MARCHF3: variants seen among roughly 807,000 people sequenced by gnomAD.
MARCHF3 encodes the protein membrane associated ring-CH-type finger 3, also known as E3 ubiquitin-protein ligase MARCHF3.
Under a neutral mutation model 24.2 loss-of-function variants are expected in MARCHF3, and 13 were observed. The observed-to-expected ratio is 0.54, with a 90% CI of 0.35 to 0.85. The LOEUF is 0.85. Ranked by LOEUF, MARCHF3 falls within the 40% of genes least tolerant of loss-of-function variation. The pLI is 0.01. For missense variants in MARCHF3, 276 were observed against 325.0 expected (o/e 0.85, Z 1.16); for synonymous variants, 144 against 137.3 (o/e 1.05, Z -0.34).
At chr5:126,889,605 A>T (rs1753612009) in intron 3 of MARCHF3, among the ~76,000 whole-genome samples, 1 of 152,154 alleles carries the variant, frequency 6.6e-6, no homozygotes. Context: ...GAAAAAGGGG[A>T]AATTTCTTCC....
At chr5:126,954,948 T>C (rs1420211167) in intron 1 of MARCHF3, among the ~76,000 whole-genome samples, 5 of 152,176 alleles carry the variant, frequency 3.3e-5, no homozygotes, top group Non-Finnish European at 7.4e-5. Flanking sequence ...TTTCAGTACA[T>C]TTTAATATTT....
At chr5:126,990,886 A>C (rs1435696106) in intron 1 of MARCHF3, among the ~76,000 whole-genome samples, 1 of 152,242 alleles carries the variant, frequency 6.6e-6, no homozygotes, top group African/African-American at 2.4e-5. Context: ...ATCATTAAAA[A>C]GGCAGAAAAC....
At chr5:126,938,299 C>T (rs748957013) in intron 1 of MARCHF3, among the ~76,000 whole-genome samples, 12 of 151,370 alleles carry the variant, frequency 7.9e-5, no homozygotes, top group Non-Finnish European at 1.6e-4. Flanking sequence ...TCCCGAGTAG[C>T]TGGGATTACA....
chr5:126,871,652 A>C (rs905529930), intron 4 of MARCHF3, among the ~76,000 whole-genome samples: 4 of 151,992 alleles, frequency 2.6e-5, no homozygotes, highest in Non-Finnish European at 5.9e-5. Context: ...TAAATGAATG[A>C]GTGAATAAGC....
chr5:126,891,156 T>C (rs1437483483), intron 3 of MARCHF3, among the ~76,000 whole-genome samples: 1 of 150,004 alleles, frequency 6.7e-6, no homozygotes, highest in East Asian at 2.0e-4. Flanking sequence ...TCTTGTAAAT[T>C]TGTTTGAGTT....
intron 1 of MARCHF3, among the ~76,000 whole-genome samples, chr5:126,955,126 G>T (rs1750396259): frequency 1.3e-5 from 2 of 152,074 alleles, no homozygotes; most frequent in African/African-American, 2.4e-5. Flanking sequence ...ACTGTTATGT[G>T]GGTTCCACCA....
chr5:126,914,878 A>G (rs764249855), intron 3 of MARCHF3, 52 bp downstream of exon 3: 51 of 1,580,832 alleles, frequency 3.2e-5, no homozygotes, highest in Non-Finnish European at 4.4e-5. Context: ...ATAAAAACAG[A>G]CATCATTTGC....
In MARCHF3 at chr5:126,870,554, G is replaced by A. The variant is rs115505142; in HGVS notation, c.*79C>T. The stretch of plus-strand genomic sequence containing the variant: ...CACAGGCTTAAGGAAGGGCTTGGGG[G>A]TCGCTCAGTGCATGACCCCAGTGCA... On this transcript the variant is annotated 3_prime_UTR_variant, in exon 5 of 5. Coordinates refer to ENST00000308660, the MANE Select transcript of MARCHF3 (RefSeq NM_178450.5). 3.7e-6 allele frequency: 5 copies of A among 1,360,404 alleles called. No homozygotes were observed. The African/African-American group carries it at 7.2e-5, about 19-fold the overall frequency. The allele number at this position is 1,360,404 out of a possible 1,614,324, so 84.3% of individuals were successfully genotyped here. A position where few individuals can be genotyped will look rare whatever the true frequency, so the allele number is the denominator to read the frequency against.
chr5:126,975,129 G>T (rs922946741), intron 1 of MARCHF3, among the ~76,000 whole-genome samples: 1 of 152,082 alleles, frequency 6.6e-6, no homozygotes, highest in Non-Finnish European at 1.5e-5. Flanking sequence ...GCTAATTTTT[G>T]TATTTTTAGT....
chr5:126,910,638 C>G (rs1179097959), intron 3 of MARCHF3, among the ~76,000 whole-genome samples: 1 of 152,194 alleles, frequency 6.6e-6, no homozygotes, highest in Non-Finnish European at 1.5e-5. Context: ...TTACTTTAAT[C>G]TCTTAATCCC....
chr5:126,949,780 G>A (rs528777331), intron 1 of MARCHF3, among the ~76,000 whole-genome samples: 1 of 152,134 alleles, frequency 6.6e-6, no homozygotes. Flanking sequence ...GGGATTAGGC[G>A]ATCTGAGAAG....
At chr5:126,921,254 A>G (rs1230209946) in intron 1 of MARCHF3, among the ~76,000 whole-genome samples, 1 of 152,134 alleles carries the variant, frequency 6.6e-6, no homozygotes, top group Non-Finnish European at 1.5e-5. Context: ...GGATTACACA[A>G]AGCATTAGCA....
intron 1 of MARCHF3, among the ~76,000 whole-genome samples, chr5:127,006,288 G>C (rs1457390657): frequency 6.6e-6 from 1 of 150,916 alleles, no homozygotes; most frequent in Non-Finnish European, 1.5e-5. Context: ...TTTTTATCCA[G>C]AACAGTGTGA....
At chr5:127,005,133 C>CTTTTTTTT (rs937505290) in intron 1 of MARCHF3, among the ~76,000 whole-genome samples, 3 of 122,558 alleles carry the variant, frequency 2.4e-5, no homozygotes, top group Non-Finnish European at 3.4e-5. Flanking sequence ...CTCAGAAAGT[C>CTTTTTTTT]TTTTTTTTTT....
At chr5:126,957,224 T>C (rs2126820034) in intron 1 of MARCHF3, among the ~76,000 whole-genome samples, 1 of 152,346 alleles carries the variant, frequency 6.6e-6, no homozygotes, top group East Asian at 1.9e-4. Flanking sequence ...TATTGAGTTA[T>C]ATTTTTTGCC....
intron 1 of MARCHF3, among the ~76,000 whole-genome samples, chr5:126,920,604 G>A (rs781749275): frequency 4.6e-5 from 7 of 152,138 alleles, no homozygotes; most frequent in Non-Finnish European, 8.8e-5. Context: ...TCTACTTGAT[G>A]GAACTGGAAG....
chr5:126,878,477 T>C, intron 3 of MARCHF3, 83 bp from the exon 4 acceptor site: 1 of 1,375,186 alleles, frequency 7.3e-7, no homozygotes, highest in Non-Finnish European at 1.0e-6. Flanking sequence ...TCTGAAGTTA[T>C]CTTTGCCTTC....
At chr5:127,003,162 G>T (rs1213059702) in intron 1 of MARCHF3, among the ~76,000 whole-genome samples, 1 of 151,962 alleles carries the variant, frequency 6.6e-6, no homozygotes, top group African/African-American at 2.4e-5. Flanking sequence ...TGGAAGCTTG[G>T]TAAGTGCGGT....
chr5:126,984,459 C>A (rs1421960544), intron 1 of MARCHF3, among the ~76,000 whole-genome samples: 1 of 152,116 alleles, frequency 6.6e-6, no homozygotes, highest in African/African-American at 2.4e-5. Flanking sequence ...GGTTGAGGTC[C>A]ATAGGGGAAC....
Sources: allele counts gnomAD v4.1 joint callset (sites outside exome capture counted in the v4.1 genomes callset), GRCh38; gene constraint gnomAD v4.1.1; transcripts MANE v1.5; gene names NCBI Gene and HGNC (gene_info 2026-07-23, HGNC 2026-07-21).